The following TMEM132C variants were observed in gnomAD, a reference collection of about 807,000 sequenced individuals.
TMEM132C encodes transmembrane protein 132C.
A neutral mutation model predicts 61.4 loss-of-function variants in TMEM132C; 29 were observed. That is an observed-to-expected ratio of 0.47 (90% CI 0.35 to 0.64). TMEM132C has a LOEUF of 0.64. Ranked by LOEUF, TMEM132C falls within the 30% of genes least tolerant of loss-of-function variation. The probability of loss-of-function intolerance (pLI) is 0.00; values close to 1 mark genes in which losing one functional copy is unlikely to be tolerated. For synonymous variants in TMEM132C, 656 were observed against 633.1 expected, an observed-to-expected ratio of 1.04 and a Z score of -0.54; for missense variants, 1,408 against 1,476.9, an observed-to-expected ratio of 0.95 and a Z score of 0.76.
At chr12:128,640,462 C>T (rs1410532310) in intron 4 of TMEM132C, among the ~76,000 whole-genome samples, 2 of 152,008 alleles carry the variant, frequency 1.3e-5, no homozygotes, top group African/African-American at 4.8e-5. Flanking sequence ...TAGTGGCCGC[C>T]CAGGGCTGGG....
intron 3 of TMEM132C, among the ~76,000 whole-genome samples, chr12:128,599,844 CT>C (rs1876105660): frequency 6.6e-6 from 1 of 152,116 alleles, no homozygotes; most frequent in Admixed American, 6.5e-5. Flanking sequence ...ATCTTGAATT[CT>C]AGTTCCCATA....
intron 1 of TMEM132C, among the ~76,000 whole-genome samples, chr12:128,311,930 T>G (rs567752843): frequency 6.6e-6 from 1 of 152,302 alleles, no homozygotes; most frequent in African/African-American, 2.4e-5. Flanking sequence ...CTGAGTCATA[T>G]CCTCTGCTTA....
intron 2 of TMEM132C, among the ~76,000 whole-genome samples, chr12:128,468,639 A>G (rs1870824196): frequency 6.6e-6 from 1 of 152,158 alleles, no homozygotes; most frequent in Non-Finnish European, 1.5e-5. Context: ...TAAACAAACA[A>G]ACAAACAAAC....
intron 4 of TMEM132C, among the ~76,000 whole-genome samples, chr12:128,624,998 G>GCC (rs1954001511): frequency 6.6e-6 from 1 of 152,156 alleles, no homozygotes; most frequent in Non-Finnish European, 1.5e-5. Context: ...AACTAGCAAG[G>GCC]GAGGGGGGTG....
chr12:128,282,969 G>A (rs1206338613), intron 1 of TMEM132C, among the ~76,000 whole-genome samples: 8 of 152,160 alleles, frequency 5.3e-5, no homozygotes, highest in Admixed American at 4.6e-4. Context: ...TTGATCACCT[G>A]ATTAAGGTGG....
In TMEM132C at chr12:128,695,990, T is replaced by C. The variant is rs756438953; in HGVS notation, c.1816T>C (p.Phe606Leu). The change falls in exon 7 of 9, where the codon TTC (phenylalanine) becomes CTC (leucine). Residue 606 changes from phenylalanine to leucine, a missense_variant. Physicochemically the swap from Phe to Leu is conservative, Grantham distance 22 (BLOSUM62 0). Transcript: ENST00000435159. ...PNYLLSPNWQ[F>L]DITHLVADFM... ...CTACCTGCTTAGTCCTAACTGGCAGTTCGACATCACTCACCTGGTGGCAGA... is the reference window on the plus strand; with the variant it reads ...CTACCTGCTTAGTCCTAACTGGCAGCTCGACATCACTCACCTGGTGGCAGA... 2.6e-6 allele frequency: 4 copies of C among 1,551,750 alleles called. No individual in the cohort carries two copies. The highest frequency in any genetic ancestry group is 3.5e-6 in the Non-Finnish European group (4 of 1,147,010).
chr12:128,555,800 G>A (rs112516370), intron 3 of TMEM132C, among the ~76,000 whole-genome samples: 17 of 150,918 alleles, frequency 1.1e-4, no homozygotes, highest in Non-Finnish European at 2.4e-4. Flanking sequence ...CTGCAGCCTC[G>A]ACCTCCTGGG....
intron 1 of TMEM132C, among the ~76,000 whole-genome samples, chr12:128,349,317 A>G (rs942538636): frequency 2.6e-5 from 4 of 152,104 alleles, no homozygotes; most frequent in African/African-American, 9.7e-5. Context: ...CCTTGTTTTT[A>G]AAAGGCAGAG....
intron 3 of TMEM132C, among the ~76,000 whole-genome samples, chr12:128,581,247 C>T (rs928697340): frequency 2.0e-5 from 3 of 151,854 alleles, no homozygotes; most frequent in Non-Finnish European, 2.9e-5. Context: ...AATCCCCATT[C>T]CGGGAATCTT....
At chr12:128,294,878 C>T (rs964589361) in intron 1 of TMEM132C, among the ~76,000 whole-genome samples, 3 of 152,110 alleles carry the variant, frequency 2.0e-5, no homozygotes, top group African/African-American at 7.2e-5. Flanking sequence ...ACGTTTAGAA[C>T]ACAGCCATTT....
intron 6 of TMEM132C, among the ~76,000 whole-genome samples, chr12:128,695,463 G>T (rs551791840): frequency 3.0e-4 from 46 of 152,238 alleles, no homozygotes; most frequent in Non-Finnish European, 5.0e-4. Flanking sequence ...GTTCAAGGCT[G>T]CATTGAGCTA....
intron 3 of TMEM132C, among the ~76,000 whole-genome samples, chr12:128,601,254 C>T (rs544568878): frequency 2.7e-4 from 41 of 152,320 alleles, no homozygotes; most frequent in Non-Finnish European, 5.0e-4. Flanking sequence ...GAGGCCTACT[C>T]CCTTCTTGAG....
At chr12:128,423,084 T>A (rs1340212864) in intron 2 of TMEM132C, among the ~76,000 whole-genome samples, 1 of 152,170 alleles carries the variant, frequency 6.6e-6, no homozygotes, top group Non-Finnish European at 1.5e-5. Flanking sequence ...AAGAGATTTG[T>A]TTTTGAAGTT....
At chr12:128,571,653 T>C (rs1348103892) in intron 3 of TMEM132C, among the ~76,000 whole-genome samples, 2 of 152,206 alleles carry the variant, frequency 1.3e-5, no homozygotes, top group African/African-American at 4.8e-5. Flanking sequence ...ACACAGTGTT[T>C]GTCCTTTAAA....
intron 3 of TMEM132C, among the ~76,000 whole-genome samples, chr12:128,602,556 C>T (rs966894016): frequency 3.9e-5 from 6 of 152,212 alleles, no homozygotes; most frequent in Admixed American, 1.3e-4. Flanking sequence ...CAGGGGTGTA[C>T]GATTCCATCG....
intron 1 of TMEM132C, among the ~76,000 whole-genome samples, chr12:128,289,919 C>T (rs139509538): frequency 6.6e-6 from 1 of 152,294 alleles, no homozygotes; most frequent in Non-Finnish European, 1.5e-5. Context: ...TCATATTTCA[C>T]ATGAGGCAAA....
At chr12:128,319,077 G>A (rs1036569857) in intron 1 of TMEM132C, among the ~76,000 whole-genome samples, 2 of 152,148 alleles carry the variant, frequency 1.3e-5, no homozygotes, top group African/African-American at 4.8e-5. Context: ...TTCCAGTGAG[G>A]GAGGGTAAAT....
rs573315759 is a variant in TMEM132C at position 128,415,282 on chromosome 12, C to T, written c.636C>T (p.Ala212=). Residue 212 remains alanine (A), a synonymous_variant, in exon 2 of 9, where the codon GCC becomes GCT. Transcript: ENST00000435159. This position sits in a 1 kb window ranked among gnomAD's most constrained non-coding sequence, Gnocchi z 5.8. The part of the protein sequence containing the change: ...SSWFSAPTVG[A]GRKKSMDQPE... ...GGTTCAGTGCCCCGACGGTGGGTGC[C>T]GGGAGGAAGAAGTCCATGGACCAGC... 97 of 1,597,688 alleles carry T rather than the reference C, an allele frequency of 6.1e-5. No homozygotes were observed. Among genetic ancestry groups the T allele is most frequent in the Admixed American group, 1.4e-4 (8 of 57,908 alleles).
At chr12:128,653,676 C>G (rs1413218860) in intron 4 of TMEM132C, among the ~76,000 whole-genome samples, 5 of 152,156 alleles carry the variant, frequency 3.3e-5, no homozygotes, top group Non-Finnish European at 7.3e-5. Flanking sequence ...AATGTAAGTG[C>G]CGGCTCATTG....
Sources: gnomAD v4.1 joint callset for allele counts (sites outside exome capture counted in the v4.1 genomes callset) on GRCh38, gnomAD v4.1.1 for gene constraint, Gnocchi (gnomAD v3.1) non-coding constraint, MANE v1.5 for transcripts, NCBI Gene and HGNC (gene_info 2026-07-23, HGNC 2026-07-21) for gene names.